Variants in AFAP1L2 observed in about 807,000 individuals in gnomAD.
AFAP1L2 encodes actin filament associated protein 1 like 2, also known as actin filament-associated protein 1-like 2.
Under a neutral mutation model 99.3 loss-of-function variants are expected in AFAP1L2, and 46 were observed. The observed-to-expected ratio is 0.46, with a 90% confidence interval of 0.37 to 0.59. AFAP1L2 has a LOEUF of 0.59. AFAP1L2 is among the 20% of genes least tolerant of loss of function. The pLI, the probability that AFAP1L2 is intolerant of heterozygous loss-of-function variation, is 0.00. For missense variants in AFAP1L2, 959 were observed against 1,034.9 expected, an observed-to-expected ratio of 0.93 and a Z score of 1.01; for synonymous variants, 397 against 419.1, an observed-to-expected ratio of 0.95 and a Z score of 0.64.
At chr10:114,303,401 G>A (rs990484377) in intron 11 of AFAP1L2, among the ~76,000 whole-genome samples, 11 of 152,166 alleles carry the variant, frequency 7.2e-5, no homozygotes, top group Admixed American at 3.9e-4. Context: ...TCTGCCTCCC[G>A]GCTTCAAGCA....
intron 8 of AFAP1L2, among the ~76,000 whole-genome samples, chr10:114,309,466 G>A (rs921724079): frequency 3.3e-5 from 5 of 152,172 alleles, no homozygotes; most frequent in Admixed American, 6.5e-5. Context: ...ACCCCAAGAG[G>A]AGCCACAGTG....
At chr10:114,382,600 T>TC (rs34367259) in intron 1 of AFAP1L2, among the ~76,000 whole-genome samples, 1 of 147,350 alleles carries the variant, frequency 6.8e-6, no homozygotes, top group African/African-American at 2.5e-5. Flanking sequence ...TTTTTTTTTT[T>TC]TTTTTTTTTT....
intron 13 of AFAP1L2, 123 bp downstream of exon 13, chr10:114,301,231 A>G: frequency 1.4e-6 from 1 of 739,346 alleles, no homozygotes; most frequent in Non-Finnish European, 2.3e-6. Flanking sequence ...CTGGCCTGGT[A>G]GGTGACTCAG....
At chr10:114,291,448 C>A, downstream of AFAP1L2, 1 of 567,132 alleles carries the variant, frequency 1.8e-6, no homozygotes, top group Non-Finnish European at 3.0e-6. Context: ...AAGAAAGCAG[C>A]TGATGTCACC....
intron 18 of AFAP1L2, chr10:114,296,551 G>T (rs936820883): frequency 2.3e-5 from 5 of 215,030 alleles, no homozygotes; most frequent in Non-Finnish European, 3.7e-5. Context: ...TGAGAATTTT[G>T]CCAGTAGTTG....
At chr10:114,306,163 ATGGGGCTGCAGGAGGGAG>A (rs2042338124) in intron 10 of AFAP1L2, among the ~76,000 whole-genome samples, 1 of 90,160 alleles carries the variant, frequency 1.1e-5, no homozygotes, top group African/African-American at 4.4e-5. Flanking sequence ...GCAGGACGGG[ATGGGGCTGCAGGAGGGAG>A]CGGGGCTGCA....
chr10:114,312,155 G>A (rs1398868228), intron 7 of AFAP1L2, among the ~76,000 whole-genome samples: 3 of 152,034 alleles, frequency 2.0e-5, no homozygotes, highest in African/African-American at 7.2e-5. Flanking sequence ...AGTTTGGGGA[G>A]GGAGGCTAGG....
chr10:114,288,164 C>A, the AFAP1L2 span, among the ~76,000 whole-genome samples: 2 of 152,206 alleles, frequency 1.3e-5, no homozygotes, highest in Non-Finnish European at 2.9e-5. Flanking sequence ...ACAGGAGAGG[C>A]CTTCTGGCTC....
chr10:114,314,553 T>C (rs1382179306), intron 6 of AFAP1L2, among the ~76,000 whole-genome samples: 1 of 152,264 alleles, frequency 6.6e-6, no homozygotes, highest in Non-Finnish European at 1.5e-5. Flanking sequence ...GAAAATACTT[T>C]ATCCCTTGGC....
intron 5 of AFAP1L2, among the ~76,000 whole-genome samples, chr10:114,318,635 C>G (rs2044529080): frequency 6.7e-6 from 1 of 150,250 alleles, no homozygotes; most frequent in African/African-American, 2.4e-5. Context: ...CCCAGCTACT[C>G]AGGAGGCTGA....
At position 114,402,466 on chromosome 10, in the gene AFAP1L2, G is replaced by A. The variant is rs75165448; in HGVS notation, c.16+1974C>T. Among the ~76,000 whole-genome samples, 563 of 152,204 alleles carry A rather than the reference G, an allele frequency of 3.7e-3. 4 individuals carry two copies. The highest frequency in any genetic ancestry group is 5.9e-3 in the Non-Finnish European group (398 of 68,006). On this transcript the variant is annotated intron_variant, in intron 1 of 18. Transcript: ENST00000304129. ...AGATTTTTCTCATGAGTCAAACACT[G>A]GAATTTGAGTTGGATTAGCCTCTGA...
intron 1 of AFAP1L2, among the ~76,000 whole-genome samples, chr10:114,391,045 A>G (rs2057087491): frequency 6.6e-6 from 1 of 152,096 alleles, no homozygotes; most frequent in South Asian, 2.1e-4. Flanking sequence ...TATATCCTAA[A>G]TGTTAATAGA....
chr10:114,316,837 G>A (rs1470864492), intron 5 of AFAP1L2, among the ~76,000 whole-genome samples: 1 of 152,162 alleles, frequency 6.6e-6, no homozygotes, highest in Non-Finnish European at 1.5e-5. Flanking sequence ...CCAACCCCTG[G>A]CACAGGAATC....
downstream of AFAP1L2, chr10:114,290,443 A>G: frequency 2.6e-6 from 4 of 1,526,996 alleles, no homozygotes; most frequent in South Asian, 4.9e-5. Flanking sequence ...AACTCAGCTG[A>G]AGGCAGGTTC....
chr10:114,361,848 A>G (rs2052473968), intron 1 of AFAP1L2, among the ~76,000 whole-genome samples: 2 of 152,190 alleles, frequency 1.3e-5, no homozygotes, highest in African/African-American at 2.4e-5. Context: ...TTATCCTGCT[A>G]TAACCTAGAA....
At position 114,308,644 on chromosome 10, in the gene AFAP1L2, C is replaced by T. The variant is rs974311579; in HGVS notation, c.883-127G>A. 5.0e-5 allele frequency: 39 copies of T among 783,040 alleles called. 2 individuals are homozygous for T. Among genetic ancestry groups the T allele is most frequent in the Middle Eastern group, 2.4e-4 (1 of 4,244 alleles). 48.5% of individuals were successfully genotyped at this position (783,040 alleles called of 1,614,324 possible). A position where few individuals can be genotyped will look rare whatever the true frequency, so the allele number is the denominator to read the frequency against. On this transcript the variant is annotated intron_variant, in intron 8 of 18. Coordinates refer to ENST00000304129, the MANE Select transcript of AFAP1L2 (RefSeq NM_001001936.3). ...AGAGGTCAGCTGAGCAAATCCCTGC[C>T]GGCCACCTAAACGGCAGAATCCAGG...
At chr10:114,284,183 T>C in the AFAP1L2 span, among the ~76,000 whole-genome samples, 1 of 152,270 alleles carries the variant, frequency 6.6e-6, no homozygotes, top group African/African-American at 2.4e-5. Flanking sequence ...TGGTTTCCCA[T>C]GTAAACTTTC....
intron 1 of AFAP1L2, among the ~76,000 whole-genome samples, chr10:114,369,468 G>A (rs1004048262): frequency 6.6e-5 from 10 of 151,816 alleles, no homozygotes; most frequent in Admixed American, 2.0e-4. Context: ...GGTGGCGGGC[G>A]CCTGTAGTCC....
At chr10:114,300,163 G>T (rs2040888014) in intron 15 of AFAP1L2, 31 bp downstream of exon 15, 3 of 1,613,772 alleles carry the variant, frequency 1.9e-6, no homozygotes, top group Admixed American at 1.7e-5. Context: ...AATACAGATG[G>T]AATCGGGCTA....
Sources: gnomAD v4.1 joint callset for allele counts (sites outside exome capture counted in the v4.1 genomes callset) on GRCh38, gnomAD v4.1.1 for gene constraint, MANE v1.5 for transcripts, NCBI Gene and HGNC (gene_info 2026-07-23, HGNC 2026-07-21) for gene names.